Variants in VIRMA observed in about 807,000 individuals in gnomAD.
The protein encoded by VIRMA is vir like m6A methyltransferase associated.
In VIRMA, 65 loss-of-function variants were observed where a neutral mutation model predicts 182.4. That is an observed-to-expected ratio of 0.36 (90% CI 0.29 to 0.44). The LOEUF is 0.44. Ranked by LOEUF, VIRMA falls within the 20% of genes least tolerant of loss-of-function variation. VIRMA has a pLI of 1.00. For missense variants in VIRMA, 1,752 were observed against 2,158.1 expected, an observed-to-expected ratio of 0.81 and a Z score of 3.73; for synonymous variants, 709 against 743.1, an observed-to-expected ratio of 0.95 and a Z score of 0.75.
intron 15 of VIRMA, 48 bp from the exon 16 acceptor site, chr8:94,506,765 C>T (rs923061350): frequency 8.7e-7 from 1 of 1,152,576 alleles, no homozygotes; most frequent in African/African-American, 1.5e-5. Flanking sequence ...TAATTATCAC[C>T]ATCACTTAGC....
In VIRMA at chr8:94,522,186, C is replaced by CA. The variant is rs1563470364; in HGVS notation, c.2022-2711dup. ...ATTATTCCACAATGTATACATGTATCAAAACATGTCACTGTTGCTATTTAA... is the reference window on the plus strand; with the variant it reads ...ATTATTCCACAATGTATACATGTATCAAAAACATGTCACTGTTGCTATTTAA... On this transcript the variant is annotated intron_variant, in intron 8 of 23. Transcript: ENST00000297591. 2.0e-5 allele frequency among the ~76,000 whole-genome samples: 3 copies of CA among 152,248 alleles called. No homozygotes were observed. In the South Asian group the frequency reaches 6.2e-4, roughly 32 times the overall value.
chr8:94,492,869 T>C (rs767161439), intron 20 of VIRMA, 51 bp from the exon 21 acceptor site: 1 of 1,431,094 alleles, frequency 7.0e-7, no homozygotes, highest in South Asian at 1.3e-5. Flanking sequence ...ATTATTAGCA[T>C]AACATTTGAC....
At chr8:94,552,335 AAAAG>A (rs143538579) in intron 1 of VIRMA, among the ~76,000 whole-genome samples, 4,062 of 152,336 alleles carry the variant, frequency 0.027, 192 homozygotes, top group African/African-American at 0.092. Context: ...ACTATCTCAT[AAAAG>A]AAAGAACATT....
intron 15 of VIRMA, among the ~76,000 whole-genome samples, chr8:94,508,453 G>A (rs1814244130): frequency 6.6e-6 from 1 of 152,016 alleles, no homozygotes; most frequent in South Asian, 2.1e-4. Context: ...TCAATATACT[G>A]CAAACTCGTA....
At chr8:94,493,731 T>C (rs533655695) in intron 20 of VIRMA, among the ~76,000 whole-genome samples, 1 of 152,330 alleles carries the variant, frequency 6.6e-6, no homozygotes, top group African/African-American at 2.4e-5. Flanking sequence ...CTCAACACAC[T>C]AAATACAAAT....
In VIRMA at chr8:94,526,793, C is replaced by T; in HGVS notation, c.1451G>A (p.Ser484Asn). The change falls in exon 8 of 24, where the codon AGT (serine) becomes AAT (asparagine). Residue 484 changes from serine to asparagine, a missense_variant. Ser to Asn is a conservative substitution (Grantham distance 46, BLOSUM62 1). This residue lies in a region of VIRMA where 401 missense variants were observed against 455.1 expected (regional missense o/e 0.88). Coordinates refer to ENST00000297591, the MANE Select transcript of VIRMA (RefSeq NM_015496.5). ...AGCAAACAGAAGTTCAAATAATCCA[C>T]TGATCACTCCTGCTTGTAGCAGTCC... ...VTGLLQAGVI[S>N]GLFELLFADH... 1 of 1,614,158 alleles carries T rather than the reference C, an allele frequency of 6.2e-7. No homozygotes were observed. Among genetic ancestry groups the T allele is most frequent in the Non-Finnish European group, 8.5e-7 (1 of 1,180,030 alleles).
At chr8:94,538,374 A>C in intron 2 of VIRMA, 28 bp from the exon 3 acceptor site, 2 of 1,375,782 alleles carry the variant, frequency 1.5e-6, no homozygotes, top group South Asian at 2.3e-5. Flanking sequence ...TTGAAACATC[A>C]GCCTTTGTAA....
At position 94,527,221 on chromosome 8, in the gene VIRMA, A is replaced by C; in HGVS notation, c.1023T>G (p.Tyr341Ter). The C allele has an allele frequency of 6.2e-7, 1 of 1,614,118 alleles. No individual in the cohort carries two copies. Among genetic ancestry groups the C allele is most frequent in the South Asian group, 1.1e-5 (1 of 91,086 alleles). Residue 341 changes from tyrosine to a stop codon, truncating the protein, a stop_gained, in exon 8 of 24, where the codon TAT becomes TAG. Transcript: ENST00000297591. LOFTEE classifies it high-confidence loss of function. ...ATAAGAGTGGTACAAGCTCCCTGTC[A>C]TATGGATCATATGTCATAGGAGGAA... Reference protein sequence around the residue: ...ASVPPMTYDPYDRELVPLLYF... With the variant: ...ASVPPMTYDP
intron 13 of VIRMA, 113 bp downstream of exon 13, chr8:94,511,071 AT>A: frequency 6.9e-7 from 1 of 1,457,964 alleles, no homozygotes; most frequent in Non-Finnish European, 9.0e-7. Context: ...CGGTTATTTT[AT>A]GTCTTTTTGG....
chr8:94,491,535 T>C, intron 22 of VIRMA, 43 bp downstream of exon 22: 3 of 1,473,080 alleles, frequency 2.0e-6, no homozygotes, highest in Non-Finnish European at 2.8e-6. Context: ...ATTTTAACAT[T>C]CCAATATTCT....
Position 94,509,921 on chromosome 8 carries a change from T to C in VIRMA, c.3646A>G (p.Lys1216Glu). 4 of 1,609,138 alleles carry C rather than the reference T, an allele frequency of 2.5e-6. No homozygotes were observed. The highest frequency in any genetic ancestry group is 3.4e-6 in the Non-Finnish European group (4 of 1,178,504). Residue 1216 changes from lysine to glutamate, a missense_variant, in exon 15 of 24, where the codon AAA becomes GAA. Lys to Glu is a moderately conservative substitution (Grantham distance 56). Coordinates refer to ENST00000297591, the MANE Select transcript of VIRMA (RefSeq NM_015496.5). Reference protein sequence around the residue: ...DLQSTSEDKEKQYTSQTTRLL... With the variant: ...DLQSTSEDKEEQYTSQTTRLL... ...CTGGTGGTTTGGCTAGTATACTGTT[T>C]TTCTTTATCTTCTGAAGTGCTGAAA...
chr8:94,493,656 G>T (rs1813677036), intron 20 of VIRMA, among the ~76,000 whole-genome samples: 1 of 152,124 alleles, frequency 6.6e-6, no homozygotes, highest in African/African-American at 2.4e-5. Flanking sequence ...GCACTAAAAA[G>T]AAATTAATTT....
chr8:94,546,090 T>C (rs917174831), intron 1 of VIRMA, among the ~76,000 whole-genome samples: 1 of 148,000 alleles, frequency 6.8e-6, no homozygotes, highest in Non-Finnish European at 1.5e-5. Flanking sequence ...ATTGCAAACA[T>C]AGTTCATCAT....
intron 5 of VIRMA, among the ~76,000 whole-genome samples, chr8:94,532,775 G>C (rs2130364827): frequency 1.3e-5 from 2 of 152,122 alleles, no homozygotes; most frequent in East Asian, 3.9e-4. Flanking sequence ...GACTAGTTTG[G>C]GCAACATAGT....
Position 94,529,144 on chromosome 8 carries a change from C to T in VIRMA, c.806G>A (p.Arg269Gln), listed in dbSNP as rs778102074. 17 of 1,427,780 alleles carry T rather than the reference C, an allele frequency of 1.2e-5. No individual in the cohort carries two copies. Among genetic ancestry groups the T allele is most frequent in the Admixed American group, 1.7e-5 (1 of 59,534 alleles). The allele number at this position is 1,427,780 out of a possible 1,614,324, so 88.4% of individuals were successfully genotyped here. Reference protein sequence around the residue: ...EEEDEDEDDRRTVDSIPEEEE... With the variant: ...EEEDEDEDDRQTVDSIPEEEE... Reference sequence around the variant, plus strand: ...CTCCTCAGGAATACTGTCTACTGTTCGTCGATCATCCTCATCCTCATCCTC... The same window carrying T: ...CTCCTCAGGAATACTGTCTACTGTTTGTCGATCATCCTCATCCTCATCCTC... The change falls in exon 7 of 24, where the codon CGA (arginine) becomes CAA (glutamine). Residue 269 changes from arginine to glutamine, a missense_variant. This residue lies in a region of VIRMA where 114 missense variants were observed against 106.9 expected (regional missense o/e 1.07). Coordinates refer to ENST00000297591, the MANE Select transcript of VIRMA (RefSeq NM_015496.5).
chr8:94,529,529 ATAAAG>A (rs1227842760), intron 6 of VIRMA, among the ~76,000 whole-genome samples, 187 bp from the exon 7 acceptor site: 2 of 152,250 alleles, frequency 1.3e-5, no homozygotes, highest in African/African-American at 4.8e-5. Context: ...GTGAGCAATA[ATAAAG>A]TATACTGTTA....
At chr8:94,524,502 G>A (rs796622027) in intron 8 of VIRMA, among the ~76,000 whole-genome samples, 18 of 148,958 alleles carry the variant, frequency 1.2e-4, no homozygotes, top group South Asian at 4.3e-4. Flanking sequence ...ACAGGGTTTC[G>A]TCATGTTGGT....
intron 20 of VIRMA, among the ~76,000 whole-genome samples, chr8:94,494,450 G>C (rs1287203238): frequency 2.0e-5 from 3 of 151,802 alleles, no homozygotes; most frequent in African/African-American, 7.3e-5. Flanking sequence ...AAATTAGCCA[G>C]GCGTGGTGGC....
Position 94,517,840 on chromosome 8 carries a change from T to C in VIRMA, c.2616A>G (p.Ala872=), listed in dbSNP as rs1416129183. 2 of 1,612,614 alleles carry C rather than the reference T, an allele frequency of 1.2e-6. No individual in the cohort carries two copies. Among genetic ancestry groups the C allele is most frequent in the Non-Finnish European group, 1.7e-6 (2 of 1,179,138 alleles). Residue 872 remains alanine, a synonymous_variant, in exon 10 of 24, where the codon GCA becomes GCG. Transcript: ENST00000297591. ...CTTTACAAAGCTTCAAGAGAGATGC[T>C]GCATGTTGTTCTAGCATTTGAACAT... is the stretch of plus-strand genomic sequence containing the variant. ...SSDVQMLEQH[A]ASLLKLCKAD...
Sources: gnomAD v4.1 joint callset for allele counts (sites outside exome capture counted in the v4.1 genomes callset) on GRCh38, gnomAD v4.1.1 for gene constraint, gnomAD v4.1.1 regional missense constraint, MANE v1.5 for transcripts, NCBI Gene and HGNC (gene_info 2026-07-23, HGNC 2026-07-21) for gene names.